The following VDAC1 variants were observed in gnomAD, a reference collection of about 807,000 sequenced individuals.
The protein encoded by VDAC1 is voltage dependent anion channel 1, also known as non-selective voltage-gated ion channel VDAC1.
VDAC1 carries 10 observed loss-of-function variants against 34.7 expected under a neutral mutation model. That is an observed-to-expected ratio of 0.29 (90% CI 0.18 to 0.49). The LOEUF (loss-of-function observed/expected upper bound fraction) is 0.49, where lower values mean the gene tolerates loss of function less well. Among genes scored for constraint, VDAC1 ranks in the 20% least tolerant of loss-of-function variants. VDAC1 has a pLI of 0.99. For missense variants in VDAC1, 230 were observed against 347.9 expected (o/e 0.66, Z 2.69); for synonymous variants, 130 against 136.0 (o/e 0.96, Z 0.30).
intron 3 of VDAC1, among the ~76,000 whole-genome samples, chr5:133,991,922 C>A (rs868824053): frequency 6.6e-6 from 1 of 152,096 alleles, no homozygotes; most frequent in Non-Finnish European, 1.5e-5. Flanking sequence ...CATGTACACC[C>A]TGAATCTAAA....
chr5:134,016,210 CA>C, the VDAC1 span, among the ~76,000 whole-genome samples: 1 of 151,936 alleles, frequency 6.6e-6, no homozygotes, highest in African/African-American at 2.4e-5. Flanking sequence ...GGGGTAAGTG[CA>C]GATCTCATTA....
At chr5:133,986,488 C>T (rs1027998174) in intron 5 of VDAC1, among the ~76,000 whole-genome samples, 1 of 152,080 alleles carries the variant, frequency 6.6e-6, no homozygotes, top group African/African-American at 2.4e-5. Context: ...CCTCCACCTC[C>T]TGGGTTCAAG....
Position 133,980,872 on chromosome 5 carries a change from A to C in VDAC1, c.408T>G (p.Pro136=), listed in dbSNP as rs777712191. 2 of 1,613,998 alleles carry C rather than the reference A, an allele frequency of 1.2e-6. No individual in the cohort carries two copies. Among genetic ancestry groups the C allele is most frequent in the East Asian group, 2.2e-5 (1 of 44,890 alleles). Residue 136 remains proline, a synonymous_variant, in exon 6 of 9, where the codon CCT becomes CCG. Coordinates refer to ENST00000265333, the MANE Select transcript of VDAC1 (RefSeq NM_003374.3). ...CTAGCACCAGAGCACCCCGGATGGA[A>C]GGCCCAGCAATGTCGAAATCCATGT... is the stretch of plus-strand genomic sequence containing the variant. ...GCDMDFDIAG[P]SIRGALVLGY...
chr5:134,092,482 C>A, the VDAC1 span, among the ~76,000 whole-genome samples: 14 of 152,050 alleles, frequency 9.2e-5, no homozygotes, highest in Admixed American at 7.2e-4. Flanking sequence ...CCTCATGTGC[C>A]GTTGAATCCT....
chr5:134,071,286 G>T, the VDAC1 span, among the ~76,000 whole-genome samples: 2 of 152,236 alleles, frequency 1.3e-5, no homozygotes, highest in African/African-American at 4.8e-5. This position sits in a 1 kb window ranked among gnomAD's most constrained non-coding sequence, Gnocchi z 4.1. Flanking sequence ...TGCGGGAGGG[G>T]GCAGCCAGCG....
At chr5:134,042,086 G>A in the VDAC1 span, among the ~76,000 whole-genome samples, 1 of 152,214 alleles carries the variant, frequency 6.6e-6, no homozygotes, top group Non-Finnish European at 1.5e-5. Flanking sequence ...TGAACTTGGA[G>A]GCCAGAACCC....
At chr5:134,112,095 G>A in the VDAC1 span, among the ~76,000 whole-genome samples, 6 of 152,238 alleles carry the variant, frequency 3.9e-5, no homozygotes, top group African/African-American at 1.4e-4. Context: ...CTGTGGGGCC[G>A]CACCAACTTC....
At chr5:134,036,975 C>A in the VDAC1 span, among the ~76,000 whole-genome samples, 3 of 150,302 alleles carry the variant, frequency 2.0e-5, no homozygotes, top group African/African-American at 4.9e-5. Flanking sequence ...AAAAAAACAA[C>A]AAACAAACAA....
At chr5:134,091,160 G>A in the VDAC1 span, among the ~76,000 whole-genome samples, 5 of 152,212 alleles carry the variant, frequency 3.3e-5, no homozygotes, top group African/African-American at 9.6e-5. Flanking sequence ...AAAAAGGAAT[G>A]GAGGGTCTAA....
At chr5:134,099,764 G>A in the VDAC1 span, among the ~76,000 whole-genome samples, 5 of 152,136 alleles carry the variant, frequency 3.3e-5, no homozygotes, top group Admixed American at 2.0e-4. Context: ...TTTATTTTTT[G>A]TAGAGACAGG....
the VDAC1 span, among the ~76,000 whole-genome samples, chr5:134,034,488 C>A: frequency 0.019 from 2,926 of 152,270 alleles, 28 homozygotes; most frequent in Non-Finnish European, 0.026. Flanking sequence ...GAGATCCAAG[C>A]GACGCGTCCA....
the VDAC1 span, among the ~76,000 whole-genome samples, chr5:134,077,428 C>T: frequency 1.1e-4 from 17 of 152,262 alleles, no homozygotes; most frequent in African/African-American, 4.1e-4. Context: ...TACTGAGCAC[C>T]TACCATGTGC....
At chr5:134,003,414 C>G (rs1580735169) in intron 1 of VDAC1, among the ~76,000 whole-genome samples, 1 of 152,296 alleles carries the variant, frequency 6.6e-6, no homozygotes, top group Non-Finnish European at 1.5e-5. Flanking sequence ...GGAACGGGCT[C>G]TAAACCAGGG....
At chr5:134,112,390 T>C in the VDAC1 span, among the ~76,000 whole-genome samples, 5 of 152,266 alleles carry the variant, frequency 3.3e-5, no homozygotes, top group South Asian at 1.0e-3. Context: ...AGGTACACAG[T>C]AGATGATCCC....
chr5:133,994,096 T>C (rs1580725600), intron 1 of VDAC1, among the ~76,000 whole-genome samples: 3 of 152,204 alleles, frequency 2.0e-5, no homozygotes, highest in South Asian at 2.1e-4. Flanking sequence ...TGAAGTTACA[T>C]GTATATATAT....
At chr5:134,001,811 T>TA (rs2127025648) in intron 1 of VDAC1, among the ~76,000 whole-genome samples, 1 of 151,996 alleles carries the variant, frequency 6.6e-6, no homozygotes, top group South Asian at 2.1e-4. Flanking sequence ...AGACCTGTGT[T>TA]ATGGGCCTAA....
chr5:134,017,246 C>A, the VDAC1 span, among the ~76,000 whole-genome samples: 10 of 152,288 alleles, frequency 6.6e-5, no homozygotes, highest in Non-Finnish European at 1.3e-4. Context: ...GCGGGTGGAT[C>A]ACCTGAGGTC....
the VDAC1 span, among the ~76,000 whole-genome samples, chr5:134,052,349 G>A: frequency 1.3e-5 from 2 of 151,250 alleles, no homozygotes; most frequent in Non-Finnish European, 1.5e-5. Flanking sequence ...TTTTTTTTGA[G>A]ACAAGGTCTC....
At chr5:134,050,666 G>C in the VDAC1 span, among the ~76,000 whole-genome samples, 1 of 152,332 alleles carries the variant, frequency 6.6e-6, no homozygotes, top group South Asian at 2.1e-4. Flanking sequence ...AGTTAAGGCA[G>C]AATTCTCCTA....
Sources: allele counts gnomAD v4.1 joint callset (sites outside exome capture counted in the v4.1 genomes callset), GRCh38; gene constraint gnomAD v4.1.1; non-coding constraint Gnocchi (gnomAD v3.1); transcripts MANE v1.5; gene names NCBI Gene and HGNC (gene_info 2026-07-23, HGNC 2026-07-21).